PTPRD: variants seen among roughly 807,000 people sequenced by gnomAD.
The protein encoded by PTPRD is receptor-type tyrosine-protein phosphatase delta.
In PTPRD, 34 loss-of-function variants were observed where a neutral mutation model predicts 214.5. That is an observed-to-expected ratio of 0.16 (90% CI 0.12 to 0.21). The LOEUF (loss-of-function observed/expected upper bound fraction) is 0.21, where lower values mean the gene tolerates loss of function less well. PTPRD is among the 10% of genes least tolerant of loss of function. PTPRD has a pLI of 1.00. For synonymous variants in PTPRD, 1,128 were observed against 845.7 expected (o/e 1.33, Z -5.79); for missense variants, 2,545 against 2,398.7 (o/e 1.06, Z -1.27).
At chr9:9,100,702 C>T (rs1485293745) in intron 10 of PTPRD, among the ~76,000 whole-genome samples, 1 of 152,076 alleles carries the variant, frequency 6.6e-6, no homozygotes, top group East Asian at 1.9e-4. Context: ...AGGGAATGTT[C>T]CTGTCTCAGG....
chr9:8,734,446 T>G (rs151328184), intron 11 of PTPRD, among the ~76,000 whole-genome samples: 1 of 152,216 alleles, frequency 6.6e-6, no homozygotes, highest in Non-Finnish European at 1.5e-5. Context: ...TCCAGGTAAA[T>G]AGCAGAGGTT....
intron 10 of PTPRD, among the ~76,000 whole-genome samples, chr9:9,053,173 T>C (rs1427783257): frequency 1.3e-5 from 2 of 152,212 alleles, no homozygotes; most frequent in Non-Finnish European, 2.9e-5. Context: ...AATGTTTGAA[T>C]ATCAGCAGTT....
chr9:8,525,055 A>G lies in PTPRD; in HGVS notation c.569-20T>C, dbSNP rs1808446890. 2 of 1,585,792 alleles carry G rather than the reference A, an allele frequency of 1.3e-6. No homozygotes were observed. Among genetic ancestry groups the G allele is most frequent in the African/African-American group, 1.3e-5 (1 of 74,242 alleles). On this transcript the variant is annotated intron_variant, in intron 17 of 45. Transcript: ENST00000381196. ...GGGCTCCTGTATGGATATAAAATAT[A>G]TTGCCAAAGAGATGATCAGAGAAGG...
chr9:8,895,816 T>C (rs576840430), intron 11 of PTPRD, among the ~76,000 whole-genome samples: 1 of 152,280 alleles, frequency 6.6e-6, no homozygotes, highest in South Asian at 2.1e-4. Context: ...TCATATATCA[T>C]AAAGCTAAAG....
intron 3 of PTPRD, among the ~76,000 whole-genome samples, chr9:10,058,054 G>C (rs139130060): frequency 6.6e-6 from 1 of 152,112 alleles, no homozygotes; most frequent in African/African-American, 2.4e-5. Context: ...ACGGGTATGT[G>C]TGTAGTGCTG....
At chr9:10,592,413 G>C (rs566546733) in intron 2 of PTPRD, among the ~76,000 whole-genome samples, 1 of 151,938 alleles carries the variant, frequency 6.6e-6, no homozygotes, top group African/African-American at 2.4e-5. Flanking sequence ...TGTGAAGAGG[G>C]GAAAAAATTG....
At chr9:8,392,516 G>C (rs1418096064) in intron 36 of PTPRD, among the ~76,000 whole-genome samples, 3 of 152,052 alleles carry the variant, frequency 2.0e-5, no homozygotes, top group Non-Finnish European at 2.9e-5. Context: ...GACAGAGCAA[G>C]ACTCTGTCTC....
At chr9:10,108,193 T>C (rs559405468) in intron 3 of PTPRD, among the ~76,000 whole-genome samples, 1 of 152,110 alleles carries the variant, frequency 6.6e-6, no homozygotes. Context: ...TTTTTTAAAT[T>C]GAAGAATAAA....
chr9:9,698,612 C>A (rs1274450359), intron 7 of PTPRD, among the ~76,000 whole-genome samples: 2 of 152,180 alleles, frequency 1.3e-5, no homozygotes, highest in Admixed American at 6.5e-5. Flanking sequence ...CTGCCACCCT[C>A]CCCACTCCAG....
intron 9 of PTPRD, among the ~76,000 whole-genome samples, chr9:9,292,003 G>T (rs915684358): frequency 2.0e-5 from 3 of 150,908 alleles, no homozygotes; most frequent in Non-Finnish European, 4.4e-5. Context: ...ATAGTAAGAG[G>T]TTTCCCAATC....
In PTPRD at chr9:8,319,717, G is replaced by A. The variant is rs909061770; in HGVS notation, c.5670+114C>T. ...GAGGTTCAAAATTATTAAACAGTTTGATGCTTTCCCCACAGTATTTTGTGT... is the reference window on the plus strand; with the variant it reads ...GAGGTTCAAAATTATTAAACAGTTTAATGCTTTCCCCACAGTATTTTGTGT... On this transcript the variant is annotated intron_variant, in intron 45 of 45. Transcript: ENST00000381196. The A allele has an allele frequency of 3.8e-6, 5 of 1,305,050 alleles. No homozygotes were observed. The African/African-American group carries it at 7.6e-5, about 20-fold the overall frequency. The allele number at this position is 1,305,050 out of a possible 1,614,324, so 80.8% of individuals were successfully genotyped here.
At chr9:8,384,642 T>C (rs1453037146) in intron 37 of PTPRD, among the ~76,000 whole-genome samples, 1 of 152,162 alleles carries the variant, frequency 6.6e-6, no homozygotes, top group African/African-American at 2.4e-5. Context: ...TTCTCCTGCC[T>C]CCGCCTCCTG....
In PTPRD at chr9:10,278,844, G is replaced by C. The variant is rs191757993; in HGVS notation, c.-545+62119C>G. On this transcript the variant is annotated intron_variant, in intron 3 of 45. Coordinates refer to ENST00000381196, the MANE Select transcript of PTPRD (RefSeq NM_002839.4). ...GGCTGGAGTGCAGTAGCGCGATCTC[G>C]GCTCACTGCAAGCTCCGTCTCCTTG... Among the ~76,000 whole-genome samples the C allele has an allele frequency of 4.3e-4, 66 of 151,784 alleles. No homozygotes were observed. The South Asian group carries it at 9.2e-3, about 21-fold the overall frequency.
intron 3 of PTPRD, among the ~76,000 whole-genome samples, chr9:10,125,132 A>G (rs1004177720): frequency 6.6e-6 from 1 of 152,222 alleles, no homozygotes; most frequent in Non-Finnish European, 1.5e-5. Context: ...TTTCTGAGGC[A>G]GAATTGATTT....
rs1225211049 is a variant in PTPRD at position 8,317,000 on chromosome 9, T to TTATA, written c.*870_*873dup. 4.3e-6 allele frequency: 1 copy of TTATA among 231,602 alleles called. No homozygotes were observed. The highest frequency in any genetic ancestry group is 2.2e-5 in the African/African-American group (1 of 45,216). 14.3% of individuals were successfully genotyped at this position (231,602 alleles called of 1,614,324 possible). A position where few individuals can be genotyped will look rare whatever the true frequency, so the allele number is the denominator to read the frequency against. ...ATATGTATATATGTTAGCAGCAACT[T>TTATA]TATACTTTGCGCCTCCCTGTTGATT... On this transcript the variant is annotated 3_prime_UTR_variant, in exon 46 of 46. Transcript: ENST00000381196.
chr9:8,453,887 G>C (rs1302733106), intron 33 of PTPRD, among the ~76,000 whole-genome samples: 1 of 152,174 alleles, frequency 6.6e-6, no homozygotes, highest in Non-Finnish European at 1.5e-5. Context: ...GGCATTGGGA[G>C]AAAGGTAGGT....
rs79015345 is a variant in PTPRD at position 10,562,715 on chromosome 9, T to G, written c.-600+49683A>C. 4.5e-3 allele frequency among the ~76,000 whole-genome samples: 685 copies of G among 152,248 alleles called. 7 individuals carry two copies. Among genetic ancestry groups the G allele is most frequent in the African/African-American group, 0.015 (624 of 41,576 alleles). Reference sequence around the variant, plus strand: ...AAGTATTATTTCACTGACTCAAATTTTCTACATGCATAGAATAGTCCAAAT... The same window carrying G: ...AAGTATTATTTCACTGACTCAAATTGTCTACATGCATAGAATAGTCCAAAT... On this transcript the variant is annotated intron_variant, in intron 2 of 45. Transcript: ENST00000381196.
At chr9:9,253,829 A>T (rs1041674497) in intron 9 of PTPRD, among the ~76,000 whole-genome samples, 11 of 152,120 alleles carry the variant, frequency 7.2e-5, no homozygotes, top group Non-Finnish European at 1.5e-4. Context: ...GCAGAAGTTT[A>T]TTCTCTTCTG....
chr9:10,266,938 C>T (rs2094104858), intron 3 of PTPRD, among the ~76,000 whole-genome samples: 1 of 152,002 alleles, frequency 6.6e-6, no homozygotes. Context: ...CATCTGTAAT[C>T]CCAGCACTTT....
Sources: allele counts gnomAD v4.1 joint callset (sites outside exome capture counted in the v4.1 genomes callset), GRCh38; gene constraint gnomAD v4.1.1; transcripts MANE v1.5; gene names NCBI Gene and HGNC (gene_info 2026-07-23, HGNC 2026-07-21).